The following TCF7L1 variants were observed in gnomAD, a reference collection of about 807,000 sequenced individuals.
The protein encoded by TCF7L1 is transcription factor 7 like 1.
TCF7L1 carries 18 observed loss-of-function variants against 63.7 expected under a neutral mutation model. That is an observed-to-expected ratio of 0.28 (90% CI 0.20 to 0.42). The LOEUF (loss-of-function observed/expected upper bound fraction) is 0.42. Among genes scored for constraint, TCF7L1 ranks in the 10% least tolerant of loss-of-function variants. The probability of loss-of-function intolerance (pLI) is 1.00; values close to 1 mark genes in which losing one functional copy is unlikely to be tolerated. For synonymous variants in TCF7L1, 355 were observed against 340.9 expected (o/e 1.04, Z -0.46); for missense variants, 654 against 779.3 (o/e 0.84, Z 1.91).
At chr2:85,275,702 T>C (rs1282742533) in intron 3 of TCF7L1, among the ~76,000 whole-genome samples, 2 of 152,054 alleles carry the variant, frequency 1.3e-5, no homozygotes, top group African/African-American at 2.4e-5. Context: ...GCAGATCACT[T>C]GAGCTCAGGA....
chr2:85,159,768 A>G (rs1332919507), intron 3 of TCF7L1, among the ~76,000 whole-genome samples: 1 of 152,204 alleles, frequency 6.6e-6, no homozygotes, highest in Admixed American at 6.5e-5. Context: ...TCCCTCTCAC[A>G]GCAGGCCTGG....
chr2:85,276,540 TC>T (rs1481388395), intron 3 of TCF7L1, among the ~76,000 whole-genome samples: 2 of 152,184 alleles, frequency 1.3e-5, no homozygotes, highest in African/African-American at 2.4e-5. Flanking sequence ...GATCCGTGTC[TC>T]CCCGTCTCCA....
At chr2:85,203,135 A>G (rs535397590) in intron 3 of TCF7L1, among the ~76,000 whole-genome samples, 1 of 152,050 alleles carries the variant, frequency 6.6e-6, no homozygotes, top group Non-Finnish European at 1.5e-5. Context: ...GCGCCCGCCC[A>G]GTACCTCCTA....
At chr2:85,202,429 G>C (rs979058294) in intron 3 of TCF7L1, among the ~76,000 whole-genome samples, 1 of 152,034 alleles carries the variant, frequency 6.6e-6, no homozygotes, top group Non-Finnish European at 1.5e-5. Flanking sequence ...ATTCTTTGAA[G>C]CACAAAAGTT....
intron 3 of TCF7L1, among the ~76,000 whole-genome samples, chr2:85,218,639 T>TG (rs143835096): frequency 0.024 from 3,618 of 149,984 alleles, 112 homozygotes; most frequent in African/African-American, 0.072. Flanking sequence ...TTTATTCCAA[T>TG]GGGGGGGGGA....
intron 3 of TCF7L1, among the ~76,000 whole-genome samples, chr2:85,165,236 A>G (rs944873036): frequency 6.6e-6 from 1 of 152,218 alleles, no homozygotes; most frequent in Admixed American, 6.5e-5. Flanking sequence ...TAATAGTTAA[A>G]TTTACAGCTC....
chr2:85,146,877 G>A (rs1357989964), intron 3 of TCF7L1, among the ~76,000 whole-genome samples: 1 of 152,074 alleles, frequency 6.6e-6, no homozygotes, highest in Non-Finnish European at 1.5e-5. Context: ...CTTAATAGCT[G>A]GTTGATTTAC....
intron 4 of TCF7L1, among the ~76,000 whole-genome samples, chr2:85,295,934 C>A (rs189172872): frequency 1.3e-5 from 2 of 151,848 alleles, no homozygotes; most frequent in Non-Finnish European, 2.9e-5. Flanking sequence ...CCCACCACCA[C>A]GCCCAGCTAA....
At chr2:85,212,788 G>A (rs1332736152) in intron 3 of TCF7L1, among the ~76,000 whole-genome samples, 1 of 152,154 alleles carries the variant, frequency 6.6e-6, no homozygotes, top group Non-Finnish European at 1.5e-5. Context: ...CCCCCAGGTT[G>A]AGCATGCACA....
At chr2:85,265,793 A>G (rs1680958179) in intron 3 of TCF7L1, among the ~76,000 whole-genome samples, 1 of 150,968 alleles carries the variant, frequency 6.6e-6, no homozygotes, top group Non-Finnish European at 1.5e-5. Flanking sequence ...GTTTTTATAT[A>G]TTTAATTTTT....
chr2:85,151,201 C>A (rs992733225), intron 3 of TCF7L1, among the ~76,000 whole-genome samples: 26 of 152,188 alleles, frequency 1.7e-4, no homozygotes, highest in African/African-American at 6.0e-4. Flanking sequence ...AGTTGACATT[C>A]TGCTCAGCAT....
At chr2:85,188,277 G>A (rs1678971252) in intron 3 of TCF7L1, among the ~76,000 whole-genome samples, 2 of 152,126 alleles carry the variant, frequency 1.3e-5, no homozygotes, top group East Asian at 1.9e-4. Flanking sequence ...ACACACACAC[G>A]AGTGTTTGTA....
At chr2:85,137,201 G>C (rs1289011830) in intron 3 of TCF7L1, among the ~76,000 whole-genome samples, 1 of 152,162 alleles carries the variant, frequency 6.6e-6, no homozygotes, top group South Asian at 2.1e-4. Flanking sequence ...TGTTTTCAGG[G>C]TGTTAATGAA....
chr2:85,197,169 G>T (rs180675402), intron 3 of TCF7L1, among the ~76,000 whole-genome samples: 2 of 152,276 alleles, frequency 1.3e-5, no homozygotes, highest in African/African-American at 4.8e-5. Context: ...CGAGCACTTT[G>T]CAGGGCCGAG....
chr2:85,246,735 C>T (rs1314339471), intron 3 of TCF7L1, among the ~76,000 whole-genome samples: 1 of 151,782 alleles, frequency 6.6e-6, no homozygotes, highest in Non-Finnish European at 1.5e-5. Context: ...AATTGCAATC[C>T]TAAGGACTCT....
chr2:85,177,861 G>C (rs968593652), intron 3 of TCF7L1, among the ~76,000 whole-genome samples: 10 of 152,078 alleles, frequency 6.6e-5, no homozygotes, highest in African/African-American at 2.4e-4. Flanking sequence ...GTTTTTGGTG[G>C]TTTCTTCATT....
At chr2:85,275,103 G>A (rs980881322) in intron 3 of TCF7L1, among the ~76,000 whole-genome samples, 4 of 152,230 alleles carry the variant, frequency 2.6e-5, no homozygotes, top group South Asian at 2.1e-4. Context: ...CAACACGGTC[G>A]GCACTCCCAG....
At position 85,306,308 on chromosome 2, in the gene TCF7L1, G is replaced by T; in HGVS notation, c.1092G>T (p.Val364=). Residue 364 remains valine, a synonymous_variant, in exon 9 of 12, where the codon GTG becomes GTT. Coordinates refer to ENST00000282111, the MANE Select transcript of TCF7L1 (RefSeq NM_031283.3). This position sits in a 1 kb window ranked among gnomAD's most constrained non-coding sequence, Gnocchi z 4.3. ...ATATGAAGGAGATGAGGGCCAAGGT[G>T]GTGGCTGAGTGCACCCTGAAGGAAA... is the stretch of plus-strand genomic sequence containing the variant. The part of the protein sequence containing the change: ...MLYMKEMRAK[V]VAECTLKESA... 1.2e-6 allele frequency: 2 copies of T among 1,614,184 alleles called. No homozygotes were observed. Among genetic ancestry groups the T allele is most frequent in the Non-Finnish European group, 1.7e-6 (2 of 1,180,030 alleles).
rs1273885200 is a variant in TCF7L1 at position 85,295,381 on chromosome 2, A to G, written c.526-7103A>G. 2.0e-5 allele frequency among the ~76,000 whole-genome samples: 3 copies of G among 151,920 alleles called. No homozygotes were observed. The East Asian group carries it at 5.8e-4, about 29-fold the overall frequency. On this transcript the variant is annotated intron_variant, in intron 4 of 11. Coordinates refer to ENST00000282111, the MANE Select transcript of TCF7L1 (RefSeq NM_031283.3). ...CATGCCCGGCTAATTTTGTATTTTTAGTAGAAACAGGGTTTCTCCATGTTG... is the reference window on the plus strand; with the variant it reads ...CATGCCCGGCTAATTTTGTATTTTTGGTAGAAACAGGGTTTCTCCATGTTG...
Sources: gnomAD v4.1 joint callset for allele counts (sites outside exome capture counted in the v4.1 genomes callset) on GRCh38, gnomAD v4.1.1 for gene constraint, Gnocchi (gnomAD v3.1) non-coding constraint, MANE v1.5 for transcripts, NCBI Gene and HGNC (gene_info 2026-07-23, HGNC 2026-07-21) for gene names.